SKAP1: variants seen among roughly 807,000 people sequenced by gnomAD.
The protein encoded by SKAP1 is src kinase-associated phosphoprotein 1.
SKAP1 carries 44 observed loss-of-function variants against 58.5 expected under a neutral mutation model. That is an observed-to-expected ratio of 0.75 (90% CI 0.59 to 0.97). The LOEUF (loss-of-function observed/expected upper bound fraction) is 0.97. Ranked by LOEUF, SKAP1 falls within the 50% of genes least tolerant of loss-of-function variation. The pLI is 0.00. For missense variants in SKAP1, 390 were observed against 435.2 expected (o/e 0.90, Z 0.92); for synonymous variants, 127 against 149.7 (o/e 0.85, Z 1.11).
At chr17:48,140,377 T>C (rs562413372) in intron 11 of SKAP1, among the ~76,000 whole-genome samples, 5 of 152,338 alleles carry the variant, frequency 3.3e-5, no homozygotes, top group East Asian at 1.9e-4. Context: ...CATTCTCCTT[T>C]GCAGGCTCAT....
At chr17:48,274,755 T>C (rs1249714046) in intron 4 of SKAP1, among the ~76,000 whole-genome samples, 1 of 152,136 alleles carries the variant, frequency 6.6e-6, no homozygotes, top group Non-Finnish European at 1.5e-5. Flanking sequence ...GTTGTCCACC[T>C]GGTCTTGAAC....
intron 4 of SKAP1, among the ~76,000 whole-genome samples, chr17:48,217,721 G>T (rs1407633514): frequency 1.3e-5 from 2 of 151,980 alleles, no homozygotes; most frequent in Admixed American, 6.6e-5. Flanking sequence ...TTATCCAAAA[G>T]AAATTTGTTA....
At chr17:48,388,385 G>A (rs1036820542) in intron 2 of SKAP1, among the ~76,000 whole-genome samples, 2 of 152,104 alleles carry the variant, frequency 1.3e-5, no homozygotes, top group African/African-American at 4.8e-5. Context: ...AGTAAGCCGA[G>A]ATCACGCCAC....
chr17:48,351,511 G>C (rs567411143), intron 3 of SKAP1, among the ~76,000 whole-genome samples: 1 of 152,068 alleles, frequency 6.6e-6, no homozygotes, highest in South Asian at 2.1e-4. Context: ...CTGGCAGTGA[G>C]TGTAATGGTA....
intron 2 of SKAP1, chr17:48,380,040 C>G (rs1422290640): frequency 6.6e-6 from 1 of 152,164 alleles, no homozygotes; most frequent in African/African-American, 2.4e-5. Flanking sequence ...ACATAAAGTA[C>G]CCAATTATCC....
chr17:48,416,776 G>A (rs1487272093), intron 1 of SKAP1, among the ~76,000 whole-genome samples: 1 of 152,182 alleles, frequency 6.6e-6, no homozygotes, highest in Admixed American at 6.5e-5. Context: ...GCTTCTGGTA[G>A]AAACAAAAAT....
intron 4 of SKAP1, among the ~76,000 whole-genome samples, chr17:48,228,684 A>G (rs2065095878): frequency 1.3e-5 from 2 of 152,202 alleles, no homozygotes; most frequent in African/African-American, 4.8e-5. Flanking sequence ...GCGTTTTCCC[A>G]TTTTATGAAT....
intron 4 of SKAP1, chr17:48,193,793 T>C (rs1163868088): frequency 1.1e-6 from 1 of 901,238 alleles, no homozygotes; most frequent in Non-Finnish European, 1.3e-6. Flanking sequence ...CGAACAGATC[T>C]GCAGAGAACT....
intron 4 of SKAP1, among the ~76,000 whole-genome samples, chr17:48,319,454 T>A (rs557877422): frequency 6.6e-6 from 1 of 152,126 alleles, no homozygotes; most frequent in Admixed American, 6.5e-5. Context: ...CTTGGAGAAA[T>A]CAATTATTTT....
intron 4 of SKAP1, among the ~76,000 whole-genome samples, chr17:48,299,168 T>C (rs1298765977): frequency 6.6e-6 from 1 of 152,228 alleles, no homozygotes; most frequent in East Asian, 1.9e-4. Context: ...GAAAGGGATA[T>C]AAACTCTTAT....
intron 4 of SKAP1, among the ~76,000 whole-genome samples, chr17:48,232,200 T>A (rs2065133120): frequency 1.3e-5 from 2 of 152,236 alleles, no homozygotes; most frequent in African/African-American, 4.8e-5. Flanking sequence ...ATTAACTGAA[T>A]CATAATCTGT....
At chr17:48,435,594 G>A in the SKAP1 span, among the ~76,000 whole-genome samples, 1 of 152,256 alleles carries the variant, frequency 6.6e-6, no homozygotes, top group Non-Finnish European at 1.5e-5. Flanking sequence ...ATTGAAGGTA[G>A]AAGGACAGCA....
In SKAP1 at chr17:48,137,224, G is replaced by C. The variant is rs1201530213; in HGVS notation, c.*7+5C>G. On this transcript the variant is annotated splice_donor_5th_base_variant and intron_variant, in intron 12 of 12. Transcript: ENST00000336915. The stretch of plus-strand genomic sequence containing the variant: ...TAGGCAGTTCATTGGCCATGGTTCT[G>C]ATACCTGGGTTTCATCTTTCTTCCA... 4.4e-6 allele frequency: 7 copies of C among 1,593,606 alleles called. No homozygotes were observed. Among genetic ancestry groups the C allele is most frequent in the Admixed American group, 1.7e-5 (1 of 59,908 alleles).
At chr17:48,395,509 A>G (rs1457842278) in intron 2 of SKAP1, among the ~76,000 whole-genome samples, 1 of 152,354 alleles carries the variant, frequency 6.6e-6, no homozygotes, top group East Asian at 1.9e-4. Flanking sequence ...GAAATTAAAA[A>G]AAACTATAGG....
At chr17:48,303,602 C>A (rs1356156758) in intron 4 of SKAP1, among the ~76,000 whole-genome samples, 1 of 152,160 alleles carries the variant, frequency 6.6e-6, no homozygotes, top group Non-Finnish European at 1.5e-5. Flanking sequence ...TTCCTTCAGG[C>A]TCCTCAATTT....
chr17:48,178,710 G>A (rs2064324921), intron 9 of SKAP1, among the ~76,000 whole-genome samples: 1 of 152,126 alleles, frequency 6.6e-6, no homozygotes, highest in South Asian at 2.1e-4. Flanking sequence ...TTTTCCTTTG[G>A]TTGTATCTGT....
intron 4 of SKAP1, among the ~76,000 whole-genome samples, chr17:48,238,142 T>C (rs1306944010): frequency 6.6e-6 from 1 of 151,802 alleles, no homozygotes; most frequent in East Asian, 1.9e-4. Context: ...TACAGGCGCA[T>C]GCCACCACAT....
intron 4 of SKAP1, among the ~76,000 whole-genome samples, chr17:48,274,141 C>T (rs1176110241): frequency 1.3e-5 from 2 of 152,170 alleles, no homozygotes; most frequent in African/African-American, 2.4e-5. Context: ...GTAATCCCAG[C>T]ACTTCAGGAG....
chr17:48,185,689 C>T (rs2064440757), intron 6 of SKAP1, among the ~76,000 whole-genome samples: 3 of 151,846 alleles, frequency 2.0e-5, no homozygotes. Flanking sequence ...ATAATGATGA[C>T]AAGGATGGCA....
Sources: allele counts gnomAD v4.1 joint callset (sites outside exome capture counted in the v4.1 genomes callset), GRCh38; gene constraint gnomAD v4.1.1; transcripts MANE v1.5; gene names NCBI Gene and HGNC (gene_info 2026-07-23, HGNC 2026-07-21).